Variants in RIC1 observed in about 807,000 individuals in gnomAD.
The protein encoded by RIC1 is RIC1 partner of RAB6A GEF complex, also known as guanine nucleotide exchange factor subunit RIC1.
Under a neutral mutation model 169.0 loss-of-function variants are expected in RIC1, and 88 were observed. The ratio of observed to expected loss-of-function variants is 0.52; its 90% CI spans 0.44 to 0.62. RIC1 has a LOEUF of 0.62. Ranked by LOEUF, RIC1 falls within the 20% of genes least tolerant of loss-of-function variation. RIC1 has a pLI of 0.00. For synonymous variants in RIC1, 790 were observed against 601.5 expected (o/e 1.31, Z -4.59); for missense variants, 1,877 against 1,725.5 (o/e 1.09, Z -1.56).
At chr9:5,718,167 GT>G (rs1823381254) in intron 4 of RIC1, among the ~76,000 whole-genome samples, 1 of 61,004 alleles carries the variant, frequency 1.6e-5, no homozygotes. Flanking sequence ...AAAAAAAAAA[GT>G]TCAGTTCTTG....
Position 5,654,562 on chromosome 9 carries a change from G to C in RIC1, c.145-2021G>C, listed in dbSNP as rs111665948. Among the ~76,000 whole-genome samples, 204 of 151,600 alleles carry C rather than the reference G, an allele frequency of 1.3e-3. 1 individual carries two copies. The highest frequency in any genetic ancestry group is 4.7e-3 in the African/African-American group (196 of 41,332). ...TGTGCCCAGCTTTGTTTTTGTTTTT[G>C]AGATTCAGTTTCTGTTGCCTAGGGT... On this transcript the variant is annotated intron_variant, in intron 1 of 25. Transcript: ENST00000414202.
At chr9:5,769,300 T>C (rs747789177) in intron 22 of RIC1, 44 bp downstream of exon 22, 1 of 1,613,854 alleles carries the variant, frequency 6.2e-7, no homozygotes, top group South Asian at 1.1e-5. Context: ...AATTGTATTT[T>C]ACTCCGTGTA....
Position 5,732,849 on chromosome 9 carries a change from T to G in RIC1, c.812+370T>G, listed in dbSNP as rs189909687. Reference sequence around the variant, plus strand: ...CATCAGCATTCATGACGCCTTCAAATTAGTGAGTGTGCTTTAGTTAACAAG... The same window carrying G: ...CATCAGCATTCATGACGCCTTCAAAGTAGTGAGTGTGCTTTAGTTAACAAG... On this transcript the variant is annotated intron_variant, in intron 7 of 25. Coordinates refer to ENST00000414202, the MANE Select transcript of RIC1 (RefSeq NM_020829.4). 3.9e-5 allele frequency among the ~76,000 whole-genome samples: 6 copies of G among 152,284 alleles called. No individual in the cohort carries two copies. In the East Asian group the frequency reaches 1.2e-3, roughly 29 times the overall value.
intron 23 of RIC1, 124 bp downstream of exon 23, chr9:5,770,402 T>G: frequency 1.2e-6 from 1 of 867,168 alleles, no homozygotes; most frequent in Middle Eastern, 3.4e-4. Flanking sequence ...TTGTATCCAC[T>G]GGAGAGGTAG....
At position 5,629,277 on chromosome 9, in the gene RIC1, G is replaced by A. The variant is rs548025349; in HGVS notation, c.-33G>A. On this transcript the variant is annotated 5_prime_UTR_variant, in exon 1 of 26. Transcript: ENST00000414202. ...CCCGGGGCCGCTGAGTGTGACGGAC[G>A]CAACTGGGGGCGCCGGGGGCTCCGC... The A allele has an allele frequency of 6.9e-7, 1 of 1,446,098 alleles. No homozygotes were observed. The highest frequency in any genetic ancestry group is 9.1e-7 in the Non-Finnish European group (1 of 1,097,756). The allele number at this position is 1,446,098 out of a possible 1,614,324, so 89.6% of individuals were successfully genotyped here.
At chr9:5,765,630 C>G in intron 20 of RIC1, 32 bp from the exon 21 acceptor site, 2 of 1,614,064 alleles carry the variant, frequency 1.2e-6, no homozygotes, top group East Asian at 2.2e-5. Flanking sequence ...GCATCTTTCT[C>G]TAATGGTACT....
chr9:5,694,636 G>A (rs1821782519), intron 3 of RIC1, among the ~76,000 whole-genome samples: 2 of 152,156 alleles, frequency 1.3e-5, no homozygotes, highest in Admixed American at 1.3e-4. Flanking sequence ...GTTCTGGATA[G>A]TGAAAACTCC....
intron 2 of RIC1, among the ~76,000 whole-genome samples, chr9:5,684,274 ACCCCCCCCCCCCCCCCCCCC>A (rs71326181): frequency 5.2e-4 from 4 of 7,630 alleles, no homozygotes; most frequent in Non-Finnish European, 1.3e-3. Flanking sequence ...TCTTGGCTCC[ACCCCCCCCCCCCCCCCCCCC>A]CCCCCCCGCC....
chr9:5,697,290 C>G (rs550690571), intron 3 of RIC1, among the ~76,000 whole-genome samples: 5 of 152,164 alleles, frequency 3.3e-5, no homozygotes, highest in Non-Finnish European at 7.3e-5. Context: ...TGGACAAAAC[C>G]TTAAGAGGTT....
At chr9:5,746,136 G>T in intron 11 of RIC1, 53 bp downstream of exon 11, 1 of 1,452,210 alleles carries the variant, frequency 6.9e-7, no homozygotes, top group East Asian at 2.3e-5. Flanking sequence ...TAGAAGCTCA[G>T]ACCCTTCTTT....
rs148933727 is a variant in RIC1, at chr9:5,732,439, G to A, written c.772G>A (p.Val258Ile). 4.4e-5 allele frequency: 71 copies of A among 1,612,166 alleles called. No individual in the cohort carries two copies. The highest frequency in any genetic ancestry group is 5.9e-5 in the Non-Finnish European group (69 of 1,179,098). Residue 258 changes from valine (V) to isoleucine (I), a missense_variant, in exon 7 of 26, where the codon GTA (valine) becomes ATA (isoleucine). By Grantham distance (29) the Val-to-Ile change is conservative. This residue lies in a region of RIC1 where 1,104 missense variants were observed against 992.0 expected (regional missense o/e 1.11). Transcript: ENST00000414202. Reference protein sequence around the residue: ...QDVVDGTCVAVNNKYRLMAFG... With the variant: ...QDVVDGTCVAINNKYRLMAFG... ...TGTTGTTGACGGAACGTGTGTAGCA[G>A]TAAATAACAAGTATCGACTAATGGC... is the stretch of plus-strand genomic sequence containing the variant.
intron 2 of RIC1, among the ~76,000 whole-genome samples, chr9:5,663,275 T>A (rs1217231497): frequency 6.6e-6 from 1 of 152,186 alleles, no homozygotes; most frequent in African/African-American, 2.4e-5. Context: ...AGTAAGTGCC[T>A]TGTGATGATG....
At chr9:5,669,233 C>A (rs946641632) in intron 2 of RIC1, among the ~76,000 whole-genome samples, 1 of 152,172 alleles carries the variant, frequency 6.6e-6, no homozygotes, top group African/African-American at 2.4e-5. Context: ...ACCCATCACC[C>A]AAGCAGTGTA....
intron 3 of RIC1, among the ~76,000 whole-genome samples, chr9:5,710,579 C>A (rs1233982643): frequency 6.6e-6 from 1 of 152,170 alleles, no homozygotes; most frequent in Non-Finnish European, 1.5e-5. Context: ...TATTGTTAAC[C>A]TCTAAAATAA....
At chr9:5,742,115 T>G (rs891776628) in intron 8 of RIC1, among the ~76,000 whole-genome samples, 3 of 152,198 alleles carry the variant, frequency 2.0e-5, no homozygotes, top group Non-Finnish European at 2.9e-5. Flanking sequence ...AAGTGTTCCT[T>G]GCTAATTCTT....
At chr9:5,769,694 A>ATTC in intron 22 of RIC1, 1 of 252,566 alleles carries the variant, frequency 4.0e-6, no homozygotes, top group Non-Finnish European at 7.5e-6. Context: ...TAAAAATTTA[A>ATTC]AGTTTTTTAA....
Position 5,772,962 on chromosome 9 carries a change from G to A in RIC1, c.3865G>A (p.Glu1289Lys), listed in dbSNP as rs1199413836. The A allele has an allele frequency of 1.2e-6, 2 of 1,613,788 alleles. No individual in the cohort carries two copies. The highest frequency in any genetic ancestry group is 1.7e-6 in the Non-Finnish European group (2 of 1,179,792). The change falls in exon 25 of 26, where the codon GAA becomes AAA. Residue 1289 changes from glutamate (E) to lysine (K), a missense_variant. Transcript: ENST00000414202. ...CATCGTTATAGGCCTGATTCTTAGA[G>A]AATCCTCAATAATCAATCAGATTTT... ...WCIVIGLILRESSIINQILVI... is the reference protein window; with the variant it reads ...WCIVIGLILRKSSIINQILVI...
At chr9:5,719,990 T>C (rs889059082) in intron 4 of RIC1, among the ~76,000 whole-genome samples, 192 bp from the exon 5 acceptor site, 4 of 152,350 alleles carry the variant, frequency 2.6e-5, no homozygotes, top group Middle Eastern at 6.8e-3. Flanking sequence ...TGAGTGCCCA[T>C]AGTCTTTCAT....
chr9:5,751,977 C>A (rs1168206799), intron 12 of RIC1, among the ~76,000 whole-genome samples: 2 of 152,120 alleles, frequency 1.3e-5, no homozygotes, highest in East Asian at 3.9e-4. Context: ...TTGAACAGAT[C>A]GAAGCTTTTC....
Sources: allele counts gnomAD v4.1 joint callset (sites outside exome capture counted in the v4.1 genomes callset), GRCh38; gene constraint gnomAD v4.1.1; regional missense constraint gnomAD v4.1.1; transcripts MANE v1.5; gene names NCBI Gene and HGNC (gene_info 2026-07-23, HGNC 2026-07-21).